MAF: variants seen among roughly 807,000 people sequenced by gnomAD.
MAF encodes the protein MAF bZIP transcription factor, also known as transcription factor Maf.
In MAF, 10 loss-of-function variants were observed where a neutral mutation model predicts 22.0. That is an observed-to-expected ratio of 0.45 (90% CI 0.28 to 0.77). MAF has a LOEUF of 0.77. Among genes scored for constraint, MAF ranks in the 30% least tolerant of loss-of-function variants. The pLI, the probability that MAF is intolerant of heterozygous loss-of-function variation, is 0.12. For missense variants in MAF, 544 were observed against 548.4 expected, an observed-to-expected ratio of 0.99 and a Z score of 0.08; for synonymous variants, 337 against 255.8, an observed-to-expected ratio of 1.32 and a Z score of -3.03.
chr16:79,214,501 G>C, the MAF span, among the ~76,000 whole-genome samples: 3 of 151,968 alleles, frequency 2.0e-5, no homozygotes. Flanking sequence ...CACCTCCCAG[G>C]TTCACGCGAT....
At chr16:79,530,793 T>C in the MAF span, among the ~76,000 whole-genome samples, 2 of 152,242 alleles carry the variant, frequency 1.3e-5, no homozygotes, top group Middle Eastern at 3.2e-3. Flanking sequence ...CAGTCATAGA[T>C]ATCTCTTTGC....
chr16:79,235,537 A>T, the MAF span, among the ~76,000 whole-genome samples: 544 of 152,032 alleles, frequency 3.6e-3, 3 homozygotes, highest in African/African-American at 0.012. Flanking sequence ...ACTGTCTCTA[A>T]AAAAAACCAG....
chr16:79,580,526 A>G, the MAF span, among the ~76,000 whole-genome samples: 1 of 152,212 alleles, frequency 6.6e-6, no homozygotes, highest in Non-Finnish European at 1.5e-5. Flanking sequence ...ATGCAGAGAC[A>G]GTACCTCGGG....
the MAF span, among the ~76,000 whole-genome samples, chr16:79,450,524 C>CT: frequency 1.3e-5 from 2 of 152,204 alleles, no homozygotes; most frequent in Admixed American, 1.3e-4. Context: ...CCCCAACCCC[C>CT]TGGCCTGATA....
the MAF span, among the ~76,000 whole-genome samples, chr16:79,568,658 T>C: frequency 3.3e-5 from 5 of 152,180 alleles, no homozygotes; most frequent in African/African-American, 1.2e-4. Context: ...AAATAGTTGC[T>C]GTTATTTTTG....
the MAF span, among the ~76,000 whole-genome samples, chr16:79,558,383 G>T: frequency 6.6e-6 from 1 of 152,196 alleles, no homozygotes; most frequent in East Asian, 1.9e-4. Context: ...AAATATCATG[G>T]CTTAAAGTCG....
the MAF span, among the ~76,000 whole-genome samples, chr16:79,419,618 C>T: frequency 3.9e-5 from 6 of 152,202 alleles, no homozygotes; most frequent in African/African-American, 9.7e-5. Flanking sequence ...AGATCTGACC[C>T]GTTCCTCTTT....
At chr16:79,248,927 A>T in the MAF span, among the ~76,000 whole-genome samples, 3 of 152,208 alleles carry the variant, frequency 2.0e-5, no homozygotes, top group Non-Finnish European at 4.4e-5. Context: ...AATGCATTGC[A>T]TTGGGTAAGA....
At chr16:79,317,486 C>G in the MAF span, among the ~76,000 whole-genome samples, 5 of 145,806 alleles carry the variant, frequency 3.4e-5, no homozygotes, top group Non-Finnish European at 7.6e-5. Context: ...TCTCTCCCTC[C>G]CTCCGTTCTC....
chr16:79,535,256 T>A, the MAF span, among the ~76,000 whole-genome samples: 526 of 152,164 alleles, frequency 3.5e-3, 3 homozygotes, highest in African/African-American at 0.012. Flanking sequence ...GTAGAGTTAC[T>A]CAGAGACTGG....
the MAF span, among the ~76,000 whole-genome samples, chr16:79,286,556 G>A: frequency 2.0e-5 from 3 of 152,140 alleles, no homozygotes; most frequent in African/African-American, 7.2e-5. Context: ...GTGTATATGT[G>A]CATGCACACT....
the MAF span, among the ~76,000 whole-genome samples, chr16:79,449,793 C>A: frequency 6.6e-6 from 1 of 152,130 alleles, no homozygotes; most frequent in African/African-American, 2.4e-5. Context: ...CTATGATTTA[C>A]CCAGAAAGTG....
At chr16:79,502,702 AATATAAATATATATATAT>A in the MAF span, among the ~76,000 whole-genome samples, 6,043 of 86,382 alleles carry the variant, frequency 0.07, 498 homozygotes, top group Middle Eastern at 0.14. Context: ...TATAAATATA[AATATAAATATATATATAT>A]ATATATATAT....
At chr16:79,595,682 A>C in intron 1 of MAF, 1 of 1,057,918 alleles carries the variant, frequency 9.5e-7, no homozygotes, top group Non-Finnish European at 1.1e-6. Context: ...ATTTTGGGGT[A>C]AATACCAGTA....
At chr16:79,269,813 A>G in the MAF span, among the ~76,000 whole-genome samples, 13,677 of 151,760 alleles carry the variant, frequency 0.09, 758 homozygotes, top group Middle Eastern at 0.13. Context: ...ATGAACTCCA[A>G]CCTCCACGGA....
chr16:79,259,252 C>T, the MAF span, among the ~76,000 whole-genome samples: 1 of 152,118 alleles, frequency 6.6e-6, no homozygotes, highest in Non-Finnish European at 1.5e-5. Context: ...CTGGGATGCC[C>T]ACGCTTGCCC....
the MAF span, among the ~76,000 whole-genome samples, chr16:79,555,493 C>T: frequency 0.064 from 9,709 of 152,280 alleles, 378 homozygotes; most frequent in Middle Eastern, 0.12. Flanking sequence ...TAAATGCCTT[C>T]ACCACAGCTG....
At chr16:79,433,522 G>C in the MAF span, among the ~76,000 whole-genome samples, 1 of 151,884 alleles carries the variant, frequency 6.6e-6, no homozygotes, top group East Asian at 1.9e-4. Context: ...CATAATGGAA[G>C]TGATGCTTTT....
At chr16:79,449,016 G>C in the MAF span, among the ~76,000 whole-genome samples, 22 of 152,170 alleles carry the variant, frequency 1.4e-4, no homozygotes, top group Non-Finnish European at 2.8e-4. Flanking sequence ...GGAACCCCGA[G>C]ATTGTTTTCC....
Sources: allele counts gnomAD v4.1 joint callset (sites outside exome capture counted in the v4.1 genomes callset), GRCh38; gene constraint gnomAD v4.1.1; transcripts MANE v1.5; gene names NCBI Gene and HGNC (gene_info 2026-07-23, HGNC 2026-07-21).